Variants in HNRNPR observed in about 807,000 individuals in gnomAD.
HNRNPR encodes heterogeneous nuclear ribonucleoprotein R.
In HNRNPR, 4 loss-of-function variants were observed where a neutral mutation model predicts 70.3. The ratio of observed to expected loss-of-function variants is 0.06; its 90% CI spans 0.03 to 0.13. HNRNPR has a LOEUF of 0.13. Among genes scored for constraint, HNRNPR ranks in the 10% least tolerant of loss-of-function variants. The probability of loss-of-function intolerance (pLI) is 1.00; values close to 1 mark genes in which losing one functional copy is unlikely to be tolerated. For synonymous variants in HNRNPR, 241 were observed against 267.6 expected (o/e 0.90, Z 0.97); for missense variants, 423 against 788.5 (o/e 0.54, Z 5.55).
At chr1:23,326,472 C>A (rs1235602050) in intron 5 of HNRNPR, among the ~76,000 whole-genome samples, 1 of 152,156 alleles carries the variant, frequency 6.6e-6, no homozygotes, top group Non-Finnish European at 1.5e-5. Context: ...CACTAATAAA[C>A]TTCTAATAAC....
intron 4 of HNRNPR, among the ~76,000 whole-genome samples, chr1:23,334,011 C>T (rs1437565151): frequency 6.6e-6 from 1 of 150,908 alleles, no homozygotes; most frequent in African/African-American, 2.4e-5. Context: ...CCTCCCGGGT[C>T]TAAGAGATTC....
chr1:23,315,658 G>A (rs377060346), intron 8 of HNRNPR, among the ~76,000 whole-genome samples: 3 of 152,228 alleles, frequency 2.0e-5, no homozygotes, highest in African/African-American at 7.2e-5. Context: ...GGGGTAGAAA[G>A]GAAATTTCTT....
chr1:23,342,382 G>A (rs1382356056), intron 1 of HNRNPR, among the ~76,000 whole-genome samples: 2 of 152,160 alleles, frequency 1.3e-5, no homozygotes, highest in African/African-American at 4.8e-5. Flanking sequence ...CTCTGAAAAT[G>A]AGATAAACAT....
intron 4 of HNRNPR, among the ~76,000 whole-genome samples, chr1:23,334,221 T>C (rs1423055147): frequency 1.4e-5 from 2 of 144,838 alleles, no homozygotes; most frequent in Non-Finnish European, 3.0e-5. Context: ...GCCCCCACTG[T>C]CTTTCTAGTG....
intron 2 of HNRNPR, among the ~76,000 whole-genome samples, chr1:23,340,259 A>G (rs1055024773): frequency 1.3e-5 from 2 of 151,988 alleles, no homozygotes; most frequent in South Asian, 4.2e-4. Context: ...ACAACCAACT[A>G]TATTAAGATG....
At chr1:23,337,728 T>G in intron 4 of HNRNPR, 26 bp downstream of exon 4, 1 of 1,376,152 alleles carries the variant, frequency 7.3e-7, no homozygotes, top group Non-Finnish European at 1.0e-6. Context: ...TGCAATTTCA[T>G]TACAACTACC....
At chr1:23,334,381 C>A (rs551567536) in intron 4 of HNRNPR, among the ~76,000 whole-genome samples, 1 of 151,712 alleles carries the variant, frequency 6.6e-6, no homozygotes, top group Non-Finnish European at 1.5e-5. Context: ...GGACTACAGG[C>A]ACCCGCCACA....
Position 23,323,682 on chromosome 1 carries a change from G to C in HNRNPR, c.549C>G (p.Pro183=). The C allele has an allele frequency of 6.2e-7, 1 of 1,614,024 alleles. No homozygotes were observed. Among genetic ancestry groups the C allele is most frequent in the Middle Eastern group, 1.6e-4 (1 of 6,062 alleles). ...PRDLYEDELV[P]LFEKAGPIWD... ...AAATGGGTCCGGCCTTCTCAAAAAG[G>C]GGCACCAACTCATCCTCATATAAAT... Residue 183 remains proline, a synonymous_variant, in exon 6 of 11, where the codon CCC becomes CCG. Transcript: ENST00000302271.
intron 8 of HNRNPR, among the ~76,000 whole-genome samples, chr1:23,317,150 T>C (rs1007694935): frequency 6.6e-6 from 1 of 152,110 alleles, no homozygotes; most frequent in Non-Finnish European, 1.5e-5. Flanking sequence ...CAAGAGCTCA[T>C]TGCAAGCAGC....
At chr1:23,321,936 T>C (rs1033464922) in intron 6 of HNRNPR, among the ~76,000 whole-genome samples, 2 of 152,204 alleles carry the variant, frequency 1.3e-5, no homozygotes, top group Admixed American at 6.5e-5. Flanking sequence ...TAATTTTATC[T>C]ATCTGAAAAT....
intron 6 of HNRNPR, among the ~76,000 whole-genome samples, chr1:23,322,015 G>A (rs991561254): frequency 6.6e-6 from 1 of 152,098 alleles, no homozygotes; most frequent in Admixed American, 6.5e-5. Context: ...AAATGTAATT[G>A]CATATAGGTA....
At chr1:23,334,087 T>C (rs1176570676) in intron 4 of HNRNPR, among the ~76,000 whole-genome samples, 2 of 151,744 alleles carry the variant, frequency 1.3e-5, no homozygotes. Context: ...CTAATTTTTG[T>C]ATTTTTAGTA....
chr1:23,319,936 T>A (rs1645692140), intron 7 of HNRNPR, among the ~76,000 whole-genome samples: 1 of 152,220 alleles, frequency 6.6e-6, no homozygotes, highest in African/African-American at 2.4e-5. Context: ...ATCAGAAAAG[T>A]CTTCCAAAAC....
At chr1:23,325,343 T>A (rs1645929221) in intron 5 of HNRNPR, among the ~76,000 whole-genome samples, 1 of 152,134 alleles carries the variant, frequency 6.6e-6, no homozygotes, top group Admixed American at 6.5e-5. Flanking sequence ...TTATGGACAT[T>A]AAGTTTCTGA....
At chr1:23,324,793 T>A (rs1257141736) in intron 5 of HNRNPR, among the ~76,000 whole-genome samples, 2 of 152,132 alleles carry the variant, frequency 1.3e-5, no homozygotes, top group East Asian at 3.9e-4. Flanking sequence ...AAACCCTCAT[T>A]TGATACCAGA....
chr1:23,333,744 G>T, intron 4 of HNRNPR, 113 bp from the exon 5 acceptor site: 1 of 583,168 alleles, frequency 1.7e-6, no homozygotes. Context: ...ATATTTTTAT[G>T]GTTAGGTAAA....
At chr1:23,332,111 G>A (rs1042149788) in intron 5 of HNRNPR, among the ~76,000 whole-genome samples, 6 of 151,512 alleles carry the variant, frequency 4.0e-5, no homozygotes, top group African/African-American at 9.7e-5. Flanking sequence ...CAGCCTGGGC[G>A]ACAGAGCGAG....
chr1:23,319,068 A>T (rs929370345), intron 7 of HNRNPR, among the ~76,000 whole-genome samples: 5 of 152,230 alleles, frequency 3.3e-5, no homozygotes, highest in Non-Finnish European at 5.9e-5. Context: ...ATGGCCAAAA[A>T]TCTTCCTTGA....
chr1:23,319,153 C>T (rs1645659120), intron 7 of HNRNPR, among the ~76,000 whole-genome samples: 1 of 152,162 alleles, frequency 6.6e-6, no homozygotes, highest in Non-Finnish European at 1.5e-5. Flanking sequence ...TGGTCTTAGT[C>T]CTTTGCCCTT....
Sources: allele counts gnomAD v4.1 joint callset (sites outside exome capture counted in the v4.1 genomes callset), GRCh38; gene constraint gnomAD v4.1.1; transcripts MANE v1.5; gene names NCBI Gene and HGNC (gene_info 2026-07-23, HGNC 2026-07-21).